Variants in MTERF3 observed in about 807,000 individuals in gnomAD.
MTERF3 encodes the protein transcription termination factor 3, mitochondrial.
Under a neutral mutation model 40.5 loss-of-function variants are expected in MTERF3, and 40 were observed. The ratio of observed to expected loss-of-function variants is 0.99; its 90% CI spans 0.77 to 1.29. The LOEUF (loss-of-function observed/expected upper bound fraction) is 1.29. Among genes scored for constraint, MTERF3 ranks in the 50% most tolerant of loss-of-function variants. The pLI, the probability that MTERF3 is intolerant of heterozygous loss-of-function variation, is 0.00. For synonymous variants in MTERF3, 158 were observed against 166.6 expected, an observed-to-expected ratio of 0.95 and a Z score of 0.40; for missense variants, 452 against 478.2, an observed-to-expected ratio of 0.95 and a Z score of 0.51.
chr8:96,250,533 A>AG (rs1271149160), intron 4 of MTERF3, among the ~76,000 whole-genome samples: 2 of 148,230 alleles, frequency 1.3e-5, no homozygotes, highest in African/African-American at 5.0e-5. Context: ...CAATGTGGCG[A>AG]AACCCCATCT....
In MTERF3 at chr8:96,245,947, A is replaced by G. The variant is rs749786123; in HGVS notation, c.826-16T>C. 1 of 1,610,056 alleles carries G rather than the reference A, an allele frequency of 6.2e-7. No individual in the cohort carries two copies. Among genetic ancestry groups the G allele is most frequent in the Non-Finnish European group, 8.5e-7 (1 of 1,177,158 alleles). On this transcript the variant is annotated splice_polypyrimidine_tract_variant and intron_variant, in intron 5 of 7. Transcript: ENST00000287025. ...GATCTCTAGTCTGTGGTTGCAAACA[A>G]AACAATCTAGTATTACTATACGTGC...
intron 3 of MTERF3, 136 bp downstream of exon 3, chr8:96,256,826 A>G (rs1241095508): frequency 9.1e-6 from 6 of 657,096 alleles, no homozygotes; most frequent in Non-Finnish European, 1.3e-5. Context: ...ACGGTTTCTC[A>G]CTAGAAGCCT....
Position 96,239,689 on chromosome 8 carries a change from G to T in MTERF3, c.1060-4C>A. ...TAAACAGCCTTGTATTAAATACCTA[G>T]AAAAGAAAAAAAAGTTTTTAAAAAA... On this transcript the variant is annotated splice_polypyrimidine_tract_variant and splice_region_variant and intron_variant, in intron 7 of 7. Coordinates refer to ENST00000287025, the MANE Select transcript of MTERF3 (RefSeq NM_015942.5). The T allele has an allele frequency of 6.4e-7, 1 of 1,565,490 alleles. No individual in the cohort carries two copies. Among genetic ancestry groups the T allele is most frequent in the Non-Finnish European group, 8.6e-7 (1 of 1,164,286 alleles).
intron 7 of MTERF3, among the ~76,000 whole-genome samples, chr8:96,241,345 G>A (rs1038704111): frequency 2.0e-5 from 3 of 151,596 alleles, no homozygotes; most frequent in Admixed American, 1.3e-4. Context: ...GGGAGGCGGC[G>A]GTTGCACTGA....
chr8:96,240,943 T>C (rs1230558828), intron 7 of MTERF3, among the ~76,000 whole-genome samples: 2 of 152,148 alleles, frequency 1.3e-5, no homozygotes, highest in African/African-American at 4.8e-5. Flanking sequence ...TACCTCAACA[T>C]GGGTTTGGCT....
At chr8:96,258,797 AT>A in intron 1 of MTERF3, 97 bp from the exon 2 acceptor site, 2 of 944,492 alleles carry the variant, frequency 2.1e-6, no homozygotes, top group Non-Finnish European at 3.1e-6. Flanking sequence ...ACTGGAAATT[AT>A]TTTTTTCTAA....
chr8:96,252,730 T>G (rs1810209091), intron 3 of MTERF3, among the ~76,000 whole-genome samples: 1 of 152,234 alleles, frequency 6.6e-6, no homozygotes, highest in African/African-American at 2.4e-5. Context: ...GCGGATGCTC[T>G]AAAAATAACA....
At chr8:96,241,561 G>A (rs937021808) in intron 7 of MTERF3, among the ~76,000 whole-genome samples, 2 of 152,096 alleles carry the variant, frequency 1.3e-5, no homozygotes, top group Non-Finnish European at 2.9e-5. Context: ...GATATTATAC[G>A]TTTACTTCTC....
intron 7 of MTERF3, 42 bp downstream of exon 7, chr8:96,243,877 C>A: frequency 6.3e-7 from 1 of 1,593,272 alleles, no homozygotes; most frequent in Non-Finnish European, 8.6e-7. Context: ...CCAAATGAAG[C>A]GCAATGGCAG....
At position 96,245,843 on chromosome 8, in the gene MTERF3, GCCTAAA is replaced by G. The variant is rs1300698124; in HGVS notation, c.897+11_897+16del. The G allele has an allele frequency of 6.2e-7, 1 of 1,609,554 alleles. No individual in the cohort carries two copies. ...CTTAAAGAAACTGATTTCTCAAAAA[GCCTAAA>G]GTTGTCCTACCTTCATATTTTCTTT... On this transcript the variant is annotated intron_variant, in intron 6 of 7. Transcript: ENST00000287025.
At chr8:96,257,311 C>G (rs1188637732) in intron 2 of MTERF3, 197 bp from the exon 3 acceptor site, 3 of 411,228 alleles carry the variant, frequency 7.3e-6, no homozygotes, top group Admixed American at 8.8e-5. Context: ...TACTGTTCCT[C>G]TGAGATTAGA....
At chr8:96,250,521 G>A (rs890277563) in intron 4 of MTERF3, among the ~76,000 whole-genome samples, 1 of 148,022 alleles carries the variant, frequency 6.8e-6, no homozygotes, top group Non-Finnish European at 1.5e-5. Flanking sequence ...GAACAGCCTG[G>A]CCAATGTGGC....
At position 96,259,805 on chromosome 8, in the gene MTERF3, C is replaced by T. The variant is rs150468172; in HGVS notation, c.-10-1105G>A. ...TAAATTAGACCAAATACTTGAGGGT[C>T]TAATCTTTTCTTGGAGATCTGTAGT... On this transcript the variant is annotated intron_variant, in intron 1 of 7. Coordinates refer to ENST00000287025, the MANE Select transcript of MTERF3 (RefSeq NM_015942.5). Among the ~76,000 whole-genome samples the T allele has an allele frequency of 4.8e-3, 726 of 152,208 alleles. 3 individuals carry two copies. The highest frequency in any genetic ancestry group is 0.014 in the African/African-American group (582 of 41,518).
intron 4 of MTERF3, among the ~76,000 whole-genome samples, chr8:96,246,891 T>A (rs1810031477): frequency 6.6e-6 from 1 of 151,992 alleles, no homozygotes; most frequent in South Asian, 2.1e-4. Context: ...TAACACAAAT[T>A]AAGAAAATTA....
intron 4 of MTERF3, among the ~76,000 whole-genome samples, chr8:96,249,501 C>A (rs1554579717): frequency 1.3e-5 from 2 of 152,152 alleles, no homozygotes; most frequent in Non-Finnish European, 2.9e-5. Flanking sequence ...AAGGGAAAGA[C>A]TGTTTTTGAT....
rs1178145687 is a variant in MTERF3 at position 96,257,117 on chromosome 8, T to C, written c.335-3A>G. 1 of 1,609,564 alleles carries C rather than the reference T, an allele frequency of 6.2e-7. No individual in the cohort carries two copies. The highest frequency in any genetic ancestry group is 8.5e-7 in the Non-Finnish European group (1 of 1,178,514). On this transcript the variant is annotated splice_region_variant and splice_polypyrimidine_tract_variant and intron_variant, in intron 2 of 7. Coordinates refer to ENST00000287025, the MANE Select transcript of MTERF3 (RefSeq NM_015942.5). The stretch of plus-strand genomic sequence containing the variant: ...CAATGGAGGCAATTCATCCAGTTCT[T>C]TGAAAGAGAGAAACAAATTAGTGCT...
At chr8:96,256,854 T>G in intron 3 of MTERF3, 108 bp downstream of exon 3, 1 of 966,748 alleles carries the variant, frequency 1.0e-6, no homozygotes, top group Non-Finnish European at 1.4e-6. Context: ...ATTAGACTTT[T>G]GCTTATGTTT....
chr8:96,239,659 G>T lies in MTERF3; in HGVS notation c.1086C>A (p.Val362=). ...AGGTAAGAAACAAGTGTCTTTCTTT[G>T]ACCTTAAACAGCCTTGTATTAAATA... The part of the protein sequence containing the change: ...PQVFNTRLFK[V]KERHLFLTYL... The change falls in exon 8 of 8, where the codon GTC becomes GTA. Residue 362 remains valine, a synonymous_variant. Transcript: ENST00000287025. The T allele has an allele frequency of 6.3e-7, 1 of 1,596,140 alleles. No homozygotes were observed. Among genetic ancestry groups the T allele is most frequent in the South Asian group, 1.1e-5 (1 of 87,862 alleles).
At chr8:96,246,992 A>C (rs1430880447) in intron 4 of MTERF3, among the ~76,000 whole-genome samples, 2 of 152,046 alleles carry the variant, frequency 1.3e-5, no homozygotes, top group African/African-American at 4.8e-5. Flanking sequence ...TTTTCTTTTC[A>C]GGAAGAGTCC....
Sources: gnomAD v4.1 joint callset for allele counts (sites outside exome capture counted in the v4.1 genomes callset) on GRCh38, gnomAD v4.1.1 for gene constraint, MANE v1.5 for transcripts, NCBI Gene and HGNC (gene_info 2026-07-23, HGNC 2026-07-21) for gene names.